Variants in DCP2 observed in about 807,000 individuals in gnomAD.
The protein encoded by DCP2 is decapping mRNA 2.
DCP2 carries 30 observed loss-of-function variants against 56.1 expected under a neutral mutation model. That is an observed-to-expected ratio of 0.53 (90% CI 0.40 to 0.73). The LOEUF (loss-of-function observed/expected upper bound fraction) is 0.73. Ranked by LOEUF, DCP2 falls within the 30% of genes least tolerant of loss-of-function variation. The pLI is 0.00. For missense variants in DCP2, 533 were observed against 502.7 expected (o/e 1.06, Z -0.58); for synonymous variants, 197 against 163.3 (o/e 1.21, Z -1.57).
intron 9 of DCP2, among the ~76,000 whole-genome samples, chr5:113,009,028 G>A (rs1749566079): frequency 6.6e-6 from 1 of 151,964 alleles, no homozygotes; most frequent in Admixed American, 6.6e-5. Context: ...TTGTATTTTA[G>A]TACAGACAGG....
At chr5:113,007,852 A>G (rs1749510367) in intron 8 of DCP2, 86 bp from the exon 9 acceptor site, 3 of 1,194,908 alleles carry the variant, frequency 2.5e-6, no homozygotes, top group East Asian at 2.6e-5. Context: ...ACTTGGTTCA[A>G]CCAGCTAAAC....
chr5:112,994,380 C>T (rs552060962), intron 4 of DCP2, among the ~76,000 whole-genome samples: 18 of 151,704 alleles, frequency 1.2e-4, no homozygotes, highest in Admixed American at 2.6e-4. Flanking sequence ...CTGTGTTGCC[C>T]GGGCTGGTCT....
At chr5:113,006,560 G>T (rs758127622) in intron 8 of DCP2, among the ~76,000 whole-genome samples, 1 of 152,110 alleles carries the variant, frequency 6.6e-6, no homozygotes, top group Non-Finnish European at 1.5e-5. Context: ...TTGTTTTCCA[G>T]CTATTTTAGC....
rs898098647 is a variant in DCP2 at position 113,015,415 on chromosome 5, G to A, written c.*1931G>A. 2.3e-4 allele frequency: 35 copies of A among 152,060 alleles called. No individual in the cohort carries two copies. Among genetic ancestry groups the A allele is most frequent in the African/African-American group, 8.5e-4 (35 of 41,238 alleles). The allele number at this position is 152,060 out of a possible 1,614,324, so 9.4% of individuals were successfully genotyped here. A position where few individuals can be genotyped will look rare whatever the true frequency, so the allele number is the denominator to read the frequency against. The stretch of plus-strand genomic sequence containing the variant: ...TTGGCCAGTCTTCCTGGTGCCTGTA[G>A]AGTTGGATTTTTCAGCTCTCAATAC... On this transcript the variant is annotated 3_prime_UTR_variant, in exon 11 of 11. Coordinates refer to ENST00000389063, the MANE Select transcript of DCP2 (RefSeq NM_152624.6).
rs888045558 is a variant in DCP2 at position 112,983,703 on chromosome 5, A to C, written c.54-2132A>C. ...TTAGAAGCATCCAGACTGGGGAAAA[A>C]AAAAGGTCATATACAAAACATTAAG... On this transcript the variant is annotated intron_variant, in intron 1 of 10. Transcript: ENST00000389063. Among the ~76,000 whole-genome samples the C allele has an allele frequency of 2.6e-5, 4 of 152,342 alleles. No homozygotes were observed. The South Asian group carries it at 8.3e-4, about 32-fold the overall frequency.
At chr5:112,986,820 C>T (rs1396142044) in intron 2 of DCP2, among the ~76,000 whole-genome samples, 10 of 151,928 alleles carry the variant, frequency 6.6e-5, no homozygotes, top group African/African-American at 1.2e-4. Flanking sequence ...GGCATCATGG[C>T]GAAACCTCAT....
intron 2 of DCP2, 32 bp downstream of exon 2, chr5:112,986,018 T>C: frequency 6.7e-7 from 1 of 1,485,522 alleles, no homozygotes; most frequent in South Asian, 1.5e-5. Context: ...TGACTGACTT[T>C]CTTGTTAGCA....
chr5:112,995,712 T>G (rs886736326), intron 4 of DCP2, among the ~76,000 whole-genome samples: 1 of 152,232 alleles, frequency 6.6e-6, no homozygotes, highest in African/African-American at 2.4e-5. Flanking sequence ...AGTAAATTTT[T>G]GGATTAGGAT....
chr5:112,997,695 A>G (rs888510536), intron 4 of DCP2, among the ~76,000 whole-genome samples: 7 of 151,234 alleles, frequency 4.6e-5, no homozygotes, highest in African/African-American at 1.7e-4. Context: ...CTGCACCCCA[A>G]CCTCCGCCTC....
chr5:113,007,424 A>G (rs192682353), intron 8 of DCP2, among the ~76,000 whole-genome samples: 1 of 143,214 alleles, frequency 7.0e-6, no homozygotes, highest in African/African-American at 2.6e-5. Flanking sequence ...TGAAAAAGAG[A>G]TAGTCTCCCT....
chr5:113,018,210 T>G lies in DCP2; in HGVS notation c.*4726T>G, dbSNP rs145660907. ...TAGGGAAAAGAGTGAAAGTTACTCT[T>G]ATGCATGGGAGTGGGCTTAAAGGGT... On this transcript the variant is annotated 3_prime_UTR_variant, in exon 11 of 11. Transcript: ENST00000389063. 3.3e-5 allele frequency: 5 copies of G among 152,328 alleles called. No homozygotes were observed. Among genetic ancestry groups the G allele is most frequent in the African/African-American group, 1.2e-4 (5 of 41,582 alleles). The allele number at this position is 152,328 out of a possible 1,614,324, so 9.4% of individuals were successfully genotyped here. A position where few individuals can be genotyped will look rare whatever the true frequency, so the allele number is the denominator to read the frequency against.
chr5:113,020,759 CTATGTCT>C lies in DCP2; in HGVS notation c.*7278_*7284del, dbSNP rs1429753786. On this transcript the variant is annotated 3_prime_UTR_variant, in exon 11 of 11. Coordinates refer to ENST00000389063, the MANE Select transcript of DCP2 (RefSeq NM_152624.6). ...CTCCACTGAGAAAATGAACAAAATC[CTATGTCT>C]TAACAGTTATGCTCTAACTTTTTGA... The C allele has an allele frequency of 6.6e-6, 1 of 152,144 alleles. No individual in the cohort carries two copies. Among genetic ancestry groups the C allele is most frequent in the East Asian group, 1.9e-4 (1 of 5,194 alleles). 9.4% of individuals were successfully genotyped at this position (152,144 alleles called of 1,614,324 possible).
chr5:112,984,672 T>G (rs1372183440), intron 1 of DCP2: 1 of 107,162 alleles, frequency 9.3e-6, no homozygotes, highest in Admixed American at 9.7e-5. Flanking sequence ...GCAGTGTTGT[T>G]TTTATTTCTT....
intron 1 of DCP2, among the ~76,000 whole-genome samples, chr5:112,977,242 A>G (rs1350959800): frequency 2.0e-5 from 3 of 151,812 alleles, no homozygotes; most frequent in Non-Finnish European, 4.4e-5. Context: ...TTACTCAACT[A>G]TTTTGCTTTC....
intron 2 of DCP2, among the ~76,000 whole-genome samples, chr5:112,988,283 C>T (rs1474770398): frequency 1.3e-5 from 2 of 150,316 alleles, no homozygotes; most frequent in African/African-American, 2.5e-5. Flanking sequence ...GAGATCGAGA[C>T]CATCCTGGCC....
At chr5:112,977,357 T>C (rs544261534) in intron 1 of DCP2, among the ~76,000 whole-genome samples, 24 of 152,298 alleles carry the variant, frequency 1.6e-4, no homozygotes, top group African/African-American at 5.5e-4. Flanking sequence ...TTCCACGCCG[T>C]GCACCCCCTC....
In DCP2 at chr5:113,014,531, T is replaced by A. The variant is rs767003496; in HGVS notation, c.*1047T>A. The stretch of plus-strand genomic sequence containing the variant: ...AGTCCAAATAAAGCATTTCACTAGG[T>A]TACACGTTATGTATATGTGTTACAT... On this transcript the variant is annotated 3_prime_UTR_variant, in exon 11 of 11. Coordinates refer to ENST00000389063, the MANE Select transcript of DCP2 (RefSeq NM_152624.6). 4.6e-5 allele frequency: 7 copies of A among 152,596 alleles called. No homozygotes were observed. Among genetic ancestry groups the A allele is most frequent in the Non-Finnish European group, 7.3e-5 (5 of 68,038 alleles). The allele number at this position is 152,596 out of a possible 1,614,324, so 9.5% of individuals were successfully genotyped here.
At chr5:112,988,518 A>G (rs1306517113) in intron 2 of DCP2, among the ~76,000 whole-genome samples, 2 of 149,926 alleles carry the variant, frequency 1.3e-5, no homozygotes, top group East Asian at 2.0e-4. Context: ...AAAAAAAAAA[A>G]TGGTATCCAA....
rs944056658 is a variant in DCP2 at position 113,018,907 on chromosome 5, G to A, written c.*5423G>A. 2.0e-5 allele frequency: 3 copies of A among 152,170 alleles called. No individual in the cohort carries two copies. Among genetic ancestry groups the A allele is most frequent in the African/African-American group, 7.2e-5 (3 of 41,432 alleles). The allele number at this position is 152,170 out of a possible 1,614,324, so 9.4% of individuals were successfully genotyped here. On this transcript the variant is annotated 3_prime_UTR_variant, in exon 11 of 11. Coordinates refer to ENST00000389063, the MANE Select transcript of DCP2 (RefSeq NM_152624.6). ...CTGAGAAGGTGATCTCACTTTTGATGTTTGGGTCACCTGTGGACACCTGTG... is the reference window on the plus strand; with the variant it reads ...CTGAGAAGGTGATCTCACTTTTGATATTTGGGTCACCTGTGGACACCTGTG...
Sources: allele counts gnomAD v4.1 joint callset (sites outside exome capture counted in the v4.1 genomes callset), GRCh38; gene constraint gnomAD v4.1.1; transcripts MANE v1.5; gene names NCBI Gene and HGNC (gene_info 2026-07-23, HGNC 2026-07-21).